CSMD3: variants seen among roughly 807,000 people sequenced by gnomAD.
CSMD3 encodes CUB and sushi domain-containing protein 3.
A neutral mutation model predicts 435.2 loss-of-function variants in CSMD3; 177 were observed. That is an observed-to-expected ratio of 0.41 (90% CI 0.36 to 0.46). The LOEUF (loss-of-function observed/expected upper bound fraction) is 0.46. Among genes scored for constraint, CSMD3 ranks in the 20% least tolerant of loss-of-function variants. The pLI, the probability that CSMD3 is intolerant of heterozygous loss-of-function variation, is 0.34. For missense variants in CSMD3, 4,265 were observed against 4,504.6 expected (o/e 0.95, Z 1.52); for synonymous variants, 1,656 against 1,520.5 (o/e 1.09, Z -2.07).
chr8:112,731,340 C>T (rs1303533605), intron 13 of CSMD3, among the ~76,000 whole-genome samples: 2 of 152,038 alleles, frequency 1.3e-5, no homozygotes, highest in African/African-American at 4.8e-5. Flanking sequence ...CATCAAATAG[C>T]ATAGAGAATC....
At chr8:112,324,207 T>C (rs1586769761) in intron 45 of CSMD3, among the ~76,000 whole-genome samples, 2 of 152,146 alleles carry the variant, frequency 1.3e-5, no homozygotes, top group South Asian at 4.2e-4. Flanking sequence ...TGCTTTGTAT[T>C]TGCCATGTTC....
At chr8:113,171,285 A>T (rs2131878332) in intron 4 of CSMD3, among the ~76,000 whole-genome samples, 1 of 152,188 alleles carries the variant, frequency 6.6e-6, no homozygotes, top group African/African-American at 2.4e-5. Context: ...CTAAAAAAAA[A>T]ATAGCTTCCA....
chr8:113,014,354 T>G (rs982120848), intron 6 of CSMD3, among the ~76,000 whole-genome samples: 29 of 152,082 alleles, frequency 1.9e-4, no homozygotes, highest in African/African-American at 7.0e-4. Flanking sequence ...CCCCTTCTGC[T>G]TAAACAGGTA....
chr8:112,272,865 T>C (rs1161884235), intron 59 of CSMD3, among the ~76,000 whole-genome samples: 1 of 152,222 alleles, frequency 6.6e-6, no homozygotes, highest in Non-Finnish European at 1.5e-5. Context: ...TTGTTTCTTT[T>C]TGGGGGTTTT....
At chr8:112,816,528 G>A (rs1178344214) in intron 12 of CSMD3, among the ~76,000 whole-genome samples, 4 of 151,882 alleles carry the variant, frequency 2.6e-5, no homozygotes, top group Non-Finnish European at 4.4e-5. Context: ...GGTCTTTGTC[G>A]GTATTTGTTG....
chr8:112,602,821 T>C (rs1832473171), intron 22 of CSMD3, among the ~76,000 whole-genome samples: 1 of 152,210 alleles, frequency 6.6e-6, no homozygotes, highest in Non-Finnish European at 1.5e-5. Context: ...GTTTATGTTA[T>C]TGGCTTCCAA....
intron 4 of CSMD3, among the ~76,000 whole-genome samples, chr8:113,141,800 C>G (rs1182847233): frequency 2.0e-5 from 3 of 150,874 alleles, no homozygotes; most frequent in African/African-American, 7.3e-5. Flanking sequence ...TCATTAAAAA[C>G]AGTTGTAGCT....
At chr8:112,645,681 G>A (rs965925188) in intron 19 of CSMD3, among the ~76,000 whole-genome samples, 1 of 151,762 alleles carries the variant, frequency 6.6e-6, no homozygotes, top group African/African-American at 2.4e-5. Context: ...GCTGCTTCTG[G>A]GTTTCTTTAT....
At chr8:113,399,801 G>A (rs960451876) in intron 1 of CSMD3, among the ~76,000 whole-genome samples, 4 of 151,834 alleles carry the variant, frequency 2.6e-5, no homozygotes, top group Non-Finnish European at 4.4e-5. Flanking sequence ...TTAAAGGTTT[G>A]CATTGAATGG....
intron 10 of CSMD3, among the ~76,000 whole-genome samples, chr8:112,899,822 T>C (rs1587619069): frequency 1.3e-5 from 2 of 148,266 alleles, no homozygotes; most frequent in East Asian, 4.0e-4. Flanking sequence ...TATATATATA[T>C]GTATATATAT....
chr8:112,437,253 C>CA (rs71566025), intron 32 of CSMD3, among the ~76,000 whole-genome samples: 37,474 of 151,864 alleles, frequency 0.25, 5,186 homozygotes, highest in African/African-American at 0.37. Context: ...TTATTTCCAA[C>CA]ATGTTCCACA....
At chr8:113,114,471 T>C (rs907269076) in intron 4 of CSMD3, among the ~76,000 whole-genome samples, 2 of 152,144 alleles carry the variant, frequency 1.3e-5, no homozygotes, top group Non-Finnish European at 2.9e-5. Flanking sequence ...TGGCTTCATT[T>C]GTGTTTGGAC....
chr8:113,169,097 C>T (rs184609681), intron 4 of CSMD3, among the ~76,000 whole-genome samples: 1 of 152,220 alleles, frequency 6.6e-6, no homozygotes, highest in Non-Finnish European at 1.5e-5. Context: ...TTTGGTATTA[C>T]ATTTTGATCC....
At chr8:113,285,658 C>T (rs1478481771) in intron 2 of CSMD3, among the ~76,000 whole-genome samples, 2 of 152,146 alleles carry the variant, frequency 1.3e-5, no homozygotes, top group East Asian at 1.9e-4. Context: ...ATATATGAGA[C>T]GAACATCCTG....
At chr8:113,284,788 T>C (rs2093634552) in intron 2 of CSMD3, among the ~76,000 whole-genome samples, 1 of 152,216 alleles carries the variant, frequency 6.6e-6, no homozygotes, top group African/African-American at 2.4e-5. Flanking sequence ...TTTGCATATA[T>C]TGCTCGTTAC....
intron 2 of CSMD3, among the ~76,000 whole-genome samples, chr8:113,305,394 A>G (rs1290609952): frequency 6.6e-6 from 1 of 152,226 alleles, no homozygotes; most frequent in Non-Finnish European, 1.5e-5. Flanking sequence ...TTTTTAGTCA[A>G]TTACAACATC....
At chr8:113,281,592 T>C (rs2093613302) in intron 2 of CSMD3, among the ~76,000 whole-genome samples, 1 of 151,894 alleles carries the variant, frequency 6.6e-6, no homozygotes, top group Admixed American at 6.6e-5. Flanking sequence ...GATAGTTGGT[T>C]GGTGAGTTCT....
chr8:112,786,969 T>C (rs1334383900), intron 13 of CSMD3, among the ~76,000 whole-genome samples: 1 of 152,062 alleles, frequency 6.6e-6, no homozygotes, highest in African/African-American at 2.4e-5. Context: ...CACTTATGAG[T>C]GAGAACATGC....
chr8:113,150,430 C>T (rs1202424818), intron 4 of CSMD3, among the ~76,000 whole-genome samples: 1 of 151,882 alleles, frequency 6.6e-6, no homozygotes, highest in Admixed American at 6.6e-5. Context: ...AATAGGTAGG[C>T]TAGGATCTGA....
Sources: allele counts gnomAD v4.1 joint callset (sites outside exome capture counted in the v4.1 genomes callset), GRCh38; gene constraint gnomAD v4.1.1; transcripts MANE v1.5; gene names NCBI Gene and HGNC (gene_info 2026-07-23, HGNC 2026-07-21).